Variants in NKAIN2 observed in about 807,000 individuals in gnomAD.
NKAIN2 encodes sodium/potassium transporting ATPase interacting 2.
In NKAIN2, 14 loss-of-function variants were observed where a neutral mutation model predicts 32.6. The ratio of observed to expected loss-of-function variants is 0.43; its 90% CI spans 0.28 to 0.67. The LOEUF (loss-of-function observed/expected upper bound fraction) is 0.67. Among genes scored for constraint, NKAIN2 ranks in the 30% least tolerant of loss-of-function variants. NKAIN2 has a pLI of 0.17. For missense variants in NKAIN2, 198 were observed against 258.3 expected (o/e 0.77, Z 1.60); for synonymous variants, 80 against 87.2 (o/e 0.92, Z 0.46).
intron 1 of NKAIN2, among the ~76,000 whole-genome samples, chr6:123,991,502 CTG>C (rs1328035201): frequency 6.6e-6 from 1 of 152,114 alleles, no homozygotes; most frequent in African/African-American, 2.4e-5. Context: ...CAGCAAGAGT[CTG>C]TGCCATGTAA....
chr6:124,143,608 T>C (rs574722637), intron 1 of NKAIN2, among the ~76,000 whole-genome samples: 97 of 152,352 alleles, frequency 6.4e-4, no homozygotes, highest in African/African-American at 2.3e-3. Flanking sequence ...AATTGGAATA[T>C]GTCAAGATGA....
At chr6:123,992,743 A>G (rs568479513) in intron 1 of NKAIN2, among the ~76,000 whole-genome samples, 4 of 152,362 alleles carry the variant, frequency 2.6e-5, no homozygotes, top group Admixed American at 1.3e-4. Flanking sequence ...GGATGATCCA[A>G]TCGGAGTAAT....
At chr6:124,341,301 A>G (rs1240909907) in intron 2 of NKAIN2, among the ~76,000 whole-genome samples, 3 of 152,148 alleles carry the variant, frequency 2.0e-5, no homozygotes, top group African/African-American at 7.2e-5. Context: ...GTTATAGAAT[A>G]CTTAGTGAGA....
chr6:123,953,651 A>T (rs907266336), intron 1 of NKAIN2, among the ~76,000 whole-genome samples: 3 of 152,012 alleles, frequency 2.0e-5, no homozygotes, highest in African/African-American at 7.2e-5. Flanking sequence ...CTGTTGGTAG[A>T]CTGGGCTGGG....
chr6:124,317,831 G>A (rs1797025543), intron 2 of NKAIN2, among the ~76,000 whole-genome samples: 1 of 151,970 alleles, frequency 6.6e-6, no homozygotes, highest in African/African-American at 2.4e-5. Context: ...TTCTGCTCAT[G>A]CTTGTATTCA....
chr6:124,523,509 G>GT (rs11387225), intron 3 of NKAIN2, among the ~76,000 whole-genome samples: 144,092 of 152,070 alleles, frequency 0.95, 68,732 homozygotes, highest in East Asian at 1. Flanking sequence ...ACAATGGAAA[G>GT]TAGGAGAGAA....
At chr6:123,989,108 C>G (rs181375517) in intron 1 of NKAIN2, among the ~76,000 whole-genome samples, 2 of 152,138 alleles carry the variant, frequency 1.3e-5, no homozygotes, top group East Asian at 1.9e-4. Flanking sequence ...GCGTGAATAT[C>G]CCTGGGGTTA....
rs561009324 is a variant in NKAIN2 at position 123,811,414 on chromosome 6, G to C, written c.54+7160G>C. 1.1e-3 allele frequency among the ~76,000 whole-genome samples: 168 copies of C among 151,442 alleles called. 1 individual carries two copies. Among genetic ancestry groups the C allele is most frequent in the Non-Finnish European group, 1.7e-3 (112 of 67,792 alleles). ...ATTAGGGTAAGCACAGCGCTGGGGT[G>C]GGGGTTGTGGGGGGGTGGGGGAGAG... On this transcript the variant is annotated intron_variant, in intron 1 of 6. Coordinates refer to ENST00000368417, the MANE Select transcript of NKAIN2 (RefSeq NM_001040214.3).
chr6:124,217,224 A>G (rs1791524660), intron 1 of NKAIN2, among the ~76,000 whole-genome samples: 1 of 152,170 alleles, frequency 6.6e-6, no homozygotes. Context: ...GCATCCTGGG[A>G]GAGGGGGAAG....
At chr6:124,317,695 T>A (rs1297606747) in intron 2 of NKAIN2, among the ~76,000 whole-genome samples, 1 of 152,052 alleles carries the variant, frequency 6.6e-6, no homozygotes, top group Non-Finnish European at 1.5e-5. Flanking sequence ...TATAGGCCCC[T>A]AAAATGTACA....
chr6:123,930,262 C>T (rs187304756), intron 1 of NKAIN2, among the ~76,000 whole-genome samples: 49 of 152,234 alleles, frequency 3.2e-4, no homozygotes, highest in African/African-American at 1.2e-3. Flanking sequence ...AATCCATTTT[C>T]AGCTAGAGTT....
chr6:124,058,046 T>C (rs1468487263), intron 1 of NKAIN2, among the ~76,000 whole-genome samples: 1 of 152,096 alleles, frequency 6.6e-6, no homozygotes, highest in Non-Finnish European at 1.5e-5. Context: ...ATAATAGTTA[T>C]ATTTCTACCT....
rs544035593 is a variant in NKAIN2 at position 124,726,347 on chromosome 6, A to G, written c.475-64992A>G. ...AAGAGAGCAGTGGTTCTCCCAGCAC[A>G]CAGCTAGAGATCTGAGAACGGGCAG... On this transcript the variant is annotated intron_variant, in intron 4 of 6. Coordinates refer to ENST00000368417, the MANE Select transcript of NKAIN2 (RefSeq NM_001040214.3). Among the ~76,000 whole-genome samples the G allele has an allele frequency of 1.0e-3, 155 of 152,136 alleles. 1 individual carries two copies. The highest frequency in any genetic ancestry group is 6.9e-3 in the South Asian group (33 of 4,764).
At chr6:123,942,584 C>T (rs1776871799) in intron 1 of NKAIN2, among the ~76,000 whole-genome samples, 1 of 151,882 alleles carries the variant, frequency 6.6e-6, no homozygotes, top group Non-Finnish European at 1.5e-5. Flanking sequence ...TGCATGAATG[C>T]CTTATTTACC....
At chr6:123,976,386 T>A (rs1441438863) in intron 1 of NKAIN2, among the ~76,000 whole-genome samples, 5 of 47,390 alleles carry the variant, frequency 1.1e-4, no homozygotes, top group Non-Finnish European at 1.7e-4. Flanking sequence ...TATATATATA[T>A]ATATATATAT....
At chr6:124,373,108 G>T (rs1027129676) in intron 3 of NKAIN2, among the ~76,000 whole-genome samples, 1 of 152,144 alleles carries the variant, frequency 6.6e-6, no homozygotes. Context: ...TTTTGGCTTT[G>T]ATTGAGAAAG....
chr6:124,416,484 T>C (rs2114518616), intron 3 of NKAIN2, among the ~76,000 whole-genome samples: 1 of 151,912 alleles, frequency 6.6e-6, no homozygotes, highest in East Asian at 1.9e-4. Context: ...AAAATAAAAA[T>C]AAAAATTAGC....
rs375103211 is a variant in NKAIN2 at position 123,883,357 on chromosome 6, G to A, written c.54+79103G>A. Among the ~76,000 whole-genome samples the A allele has an allele frequency of 4.6e-5, 7 of 152,198 alleles. No homozygotes were observed. The South Asian group carries it at 1.2e-3, about 27-fold the overall frequency. On this transcript the variant is annotated intron_variant, in intron 1 of 6. Transcript: ENST00000368417. Reference sequence around the variant, plus strand: ...AGACAGGGTTTCACCGTGTTAGCCAGGATGGTCTCGATCTCCTGACCTCGT... The same window carrying A: ...AGACAGGGTTTCACCGTGTTAGCCAAGATGGTCTCGATCTCCTGACCTCGT...
chr6:124,435,659 T>TA (rs1775410683), intron 3 of NKAIN2, among the ~76,000 whole-genome samples: 1 of 152,160 alleles, frequency 6.6e-6, no homozygotes. Context: ...TTAGGAGACT[T>TA]ACCACTGAGG....
Sources: allele counts gnomAD v4.1 joint callset (sites outside exome capture counted in the v4.1 genomes callset), GRCh38; gene constraint gnomAD v4.1.1; transcripts MANE v1.5; gene names NCBI Gene and HGNC (gene_info 2026-07-23, HGNC 2026-07-21).